MBD5: variants seen among roughly 807,000 people sequenced by gnomAD.
MBD5 encodes the protein methyl-CpG binding domain protein 5.
MBD5 carries 13 observed loss-of-function variants against 117.3 expected under a neutral mutation model. That is an observed-to-expected ratio of 0.11 (90% CI 0.07 to 0.18). The LOEUF (loss-of-function observed/expected upper bound fraction) is 0.18, where lower values mean the gene tolerates loss of function less well. Among genes scored for constraint, MBD5 ranks in the 10% least tolerant of loss-of-function variants. The probability of loss-of-function intolerance (pLI) is 1.00; values close to 1 mark genes in which losing one functional copy is unlikely to be tolerated. For synonymous variants in MBD5, 727 were observed against 766.4 expected, an observed-to-expected ratio of 0.95 and a Z score of 0.85; for missense variants, 1,879 against 2,093.8, an observed-to-expected ratio of 0.90 and a Z score of 2.00.
intron 13 of MBD5, 51 bp from the exon 14 acceptor site, chr2:148,512,819 G>A (rs1295188881): frequency 2.0e-6 from 3 of 1,528,762 alleles, no homozygotes; most frequent in African/African-American, 2.7e-5. Flanking sequence ...TATGGTGTTT[G>A]TGATTTCATC....
chr2:148,355,992 C>G (rs6734448), intron 4 of MBD5, among the ~76,000 whole-genome samples: 7 of 151,996 alleles, frequency 4.6e-5, no homozygotes, highest in African/African-American at 1.7e-4. Flanking sequence ...CTCTCTCACT[C>G]TCTTGAGCAG....
chr2:148,325,507 A>T (rs371167571), intron 3 of MBD5, among the ~76,000 whole-genome samples: 13 of 151,208 alleles, frequency 8.6e-5, no homozygotes, highest in African/African-American at 1.9e-4. Flanking sequence ...TTGCCACAAT[A>T]TCAGCTCCTG....
intron 2 of MBD5, among the ~76,000 whole-genome samples, chr2:148,189,449 G>A (rs976326629): frequency 1.0e-4 from 15 of 145,230 alleles, no homozygotes; most frequent in African/African-American, 3.9e-4. Context: ...TCCCTGACCC[G>A]TGACCCCCGA....
Position 148,510,068 on chromosome 2 carries a change from A to C in MBD5, c.5045A>C (p.Lys1682Thr). 2 of 1,608,754 alleles carry C rather than the reference A, an allele frequency of 1.2e-6. No individual in the cohort carries two copies. Among genetic ancestry groups the C allele is most frequent in the Non-Finnish European group, 1.7e-6 (2 of 1,175,404 alleles). The change falls in exon 13 of 14, where the codon AAG becomes ACG. Residue 1682 changes from lysine (K) to threonine (T), a missense_variant. Lys to Thr is a moderately conservative substitution (Grantham distance 78). This residue lies in a region of MBD5 where 135 missense variants were observed against 148.0 expected (regional missense o/e 0.91). Transcript: ENST00000642680. ...RVRKRNRKSGKLNNHLEAAIH... is the reference protein window; with the variant it reads ...RVRKRNRKSGTLNNHLEAAIH... ...GTTTTCATTAATTCCAGAAGTGGAA[A>C]GCTAAATAACCATTTAGAAGCTGCT...
In MBD5 at chr2:148,363,997, G is replaced by A. The variant is rs142960680; in HGVS notation, c.-557+21661G>A. Among the ~76,000 whole-genome samples, 61 of 152,122 alleles carry A rather than the reference G, an allele frequency of 4.0e-4. 2 individuals carry two copies. The East Asian group carries it at 0.011, about 28-fold the overall frequency. On this transcript the variant is annotated intron_variant, in intron 4 of 13. Coordinates refer to ENST00000642680, the MANE Select transcript of MBD5 (RefSeq NM_001378120.1). ...TTCAAATTCAGGAAATACAGAGAACGCCACAAAGATACTCCTCAAGAAGAG... is the reference window on the plus strand; with the variant it reads ...TTCAAATTCAGGAAATACAGAGAACACCACAAAGATACTCCTCAAGAAGAG...
chr2:148,454,238 G>C (rs180902082), intron 4 of MBD5, among the ~76,000 whole-genome samples: 1 of 152,184 alleles, frequency 6.6e-6, no homozygotes, highest in East Asian at 1.9e-4. Flanking sequence ...AAAATATTTG[G>C]AATCAGTGCA....
chr2:148,278,980 C>T (rs1318999030), intron 3 of MBD5, among the ~76,000 whole-genome samples: 2 of 152,114 alleles, frequency 1.3e-5, no homozygotes, highest in Admixed American at 6.5e-5. Flanking sequence ...GAAAAATTGC[C>T]CTTCCTGCAG....
Position 148,265,541 on chromosome 2 carries a change from A to G in MBD5, c.-680+32146A>G, listed in dbSNP as rs1000901250. ...TTCTGTCATAAACAATGCTTTGATAAAAAACTATTTTTTCATACCCTTTTC... is the reference window on the plus strand; with the variant it reads ...TTCTGTCATAAACAATGCTTTGATAGAAAACTATTTTTTCATACCCTTTTC... On this transcript the variant is annotated intron_variant, in intron 3 of 13. Transcript: ENST00000642680. Among the ~76,000 whole-genome samples the G allele has an allele frequency of 3.8e-3, 12 of 3,118 alleles. No homozygotes were observed. In the Admixed American group the frequency reaches 0.066, roughly 17 times the overall value. The allele number at this position is 3,118 out of a possible 152,430, so 2.0% of individuals were successfully genotyped here. A position where few individuals can be genotyped will look rare whatever the true frequency, so the allele number is the denominator to read the frequency against.
chr2:148,083,415 G>A (rs1299752310), intron 1 of MBD5, among the ~76,000 whole-genome samples: 1 of 151,770 alleles, frequency 6.6e-6, no homozygotes, highest in Non-Finnish European at 1.5e-5. Context: ...CTGAAACCAA[G>A]GAACATATTT....
At chr2:148,234,639 G>A (rs1700054959) in intron 3 of MBD5, among the ~76,000 whole-genome samples, 1 of 152,114 alleles carries the variant, frequency 6.6e-6, no homozygotes, top group South Asian at 2.1e-4. Flanking sequence ...CTGTTTTCTG[G>A]CAGAGACACA....
At chr2:148,210,818 A>G (rs931286426) in intron 2 of MBD5, among the ~76,000 whole-genome samples, 1 of 152,132 alleles carries the variant, frequency 6.6e-6, no homozygotes, top group African/African-American at 2.4e-5. Flanking sequence ...TGTTACATAT[A>G]TACTTTTTTC....
intron 4 of MBD5, among the ~76,000 whole-genome samples, chr2:148,379,798 C>T (rs1335676833): frequency 6.6e-6 from 1 of 151,686 alleles, no homozygotes; most frequent in Non-Finnish European, 1.5e-5. Context: ...TCCAAGGTAA[C>T]CCACTAAGAG....
intron 3 of MBD5, among the ~76,000 whole-genome samples, chr2:148,292,925 A>G (rs954596811): frequency 1.3e-5 from 2 of 152,068 alleles, no homozygotes; most frequent in Non-Finnish European, 2.9e-5. Context: ...ATTTGCAACA[A>G]CATGGATGGA....
At chr2:148,226,271 A>AC (rs1418408926) in intron 2 of MBD5, among the ~76,000 whole-genome samples, 7 of 151,130 alleles carry the variant, frequency 4.6e-5, no homozygotes. Flanking sequence ...CTCTCTCCCC[A>AC]CCCACAACAG....
intron 7 of MBD5, among the ~76,000 whole-genome samples, chr2:148,465,129 G>A (rs1203599154): frequency 6.6e-6 from 1 of 152,120 alleles, no homozygotes; most frequent in African/African-American, 2.4e-5. Context: ...TTTGCACGAT[G>A]TTCCTCAGTT....
chr2:148,506,554 T>C (rs1682039080), intron 12 of MBD5, among the ~76,000 whole-genome samples: 1 of 152,222 alleles, frequency 6.6e-6, no homozygotes, highest in Admixed American at 6.5e-5. Context: ...AGTGAGTCAC[T>C]TAAACTCTGA....
At chr2:148,399,885 G>A (rs1704861740) in intron 4 of MBD5, among the ~76,000 whole-genome samples, 1 of 152,120 alleles carries the variant, frequency 6.6e-6, no homozygotes, top group Admixed American at 6.5e-5. Flanking sequence ...TTTTGTCGAA[G>A]GCCTTTTCTG....
intron 1 of MBD5, among the ~76,000 whole-genome samples, chr2:148,144,432 G>T (rs946993289): frequency 2.0e-5 from 3 of 152,148 alleles, no homozygotes; most frequent in African/African-American, 7.2e-5. Flanking sequence ...GTTTTGCTCT[G>T]CAGAAGCTCT....
At chr2:148,393,141 T>G (rs1704612577) in intron 4 of MBD5, among the ~76,000 whole-genome samples, 1 of 152,140 alleles carries the variant, frequency 6.6e-6, no homozygotes, top group Non-Finnish European at 1.5e-5. Context: ...GATAAAGGCC[T>G]TGTAAAATTA....
Sources: allele counts gnomAD v4.1 joint callset (sites outside exome capture counted in the v4.1 genomes callset), GRCh38; gene constraint gnomAD v4.1.1; regional missense constraint gnomAD v4.1.1; transcripts MANE v1.5; gene names NCBI Gene and HGNC (gene_info 2026-07-23, HGNC 2026-07-21).